The following SLC12A5 variants were observed in gnomAD, a reference collection of about 807,000 sequenced individuals.
SLC12A5 encodes the protein solute carrier family 12 member 5.
In SLC12A5, 18 loss-of-function variants were observed where a neutral mutation model predicts 124.0. The observed-to-expected ratio is 0.15, with a 90% CI of 0.10 to 0.22. The LOEUF is 0.22. Among genes scored for constraint, SLC12A5 ranks in the 10% least tolerant of loss-of-function variants. The pLI, the probability that SLC12A5 is intolerant of heterozygous loss-of-function variation, is 1.00. For synonymous variants in SLC12A5, 589 were observed against 568.0 expected, an observed-to-expected ratio of 1.04 and a Z score of -0.53; for missense variants, 867 against 1,478.7, an observed-to-expected ratio of 0.59 and a Z score of 6.78.
chr20:46,052,943 T>C lies in SLC12A5; in HGVS notation c.2378-14T>C, dbSNP rs373346348. ...ACTGTTTCCCCCTCTGGCCCTCTCC[T>C]TGGCCTCCCTCAGAGCTGGTCCGGG... On this transcript the variant is annotated splice_polypyrimidine_tract_variant and intron_variant, in intron 18 of 25. Transcript: ENST00000243964. The C allele has an allele frequency of 6.2e-5, 99 of 1,599,926 alleles. No individual in the cohort carries two copies. Among genetic ancestry groups the C allele is most frequent in the Non-Finnish European group, 7.9e-5 (92 of 1,169,218 alleles).
At position 46,045,898 on chromosome 20, in the gene SLC12A5, C is replaced by T. The variant is rs2084590822; in HGVS notation, c.1590C>T (p.Ala530=). The T allele has an allele frequency of 6.2e-7, 1 of 1,614,034 alleles. No homozygotes were observed. Among genetic ancestry groups the T allele is most frequent in the African/African-American group, 1.3e-5 (1 of 74,898 alleles). Residue 530 remains alanine (A), a synonymous_variant, in exon 13 of 26, where the codon GCC becomes GCT. Coordinates refer to ENST00000243964, the MANE Select transcript of SLC12A5 (RefSeq NM_020708.5). The surrounding 1 kb of genome is among the most constrained non-coding windows in gnomAD (Gnocchi z 4.9). ...PFLQVFGHGK[A]NGEPTWALLL... ...CCCAGGTCTTTGGCCATGGCAAGGC[C>T]AATGGAGAGCCGACCTGGGCCCTGC... is the stretch of plus-strand genomic sequence containing the variant.
rs2084735560 is a variant in SLC12A5, at chr20:46,059,668, C to T, written c.*2063C>T. On this transcript the variant is annotated 3_prime_UTR_variant, in exon 26 of 26. Coordinates refer to ENST00000243964, the MANE Select transcript of SLC12A5 (RefSeq NM_020708.5). Reference sequence around the variant, plus strand: ...ATCCCACAACAAAAACCCAAGTTTTCTGTGCTACATGTGCAATATTTGTTA... The same window carrying T: ...ATCCCACAACAAAAACCCAAGTTTTTTGTGCTACATGTGCAATATTTGTTA... The T allele has an allele frequency of 2.5e-6, 1 of 398,992 alleles. No homozygotes were observed. The highest frequency in any genetic ancestry group is 4.4e-6 in the Non-Finnish European group (1 of 226,086). 24.7% of individuals were successfully genotyped at this position (398,992 alleles called of 1,614,324 possible). A position where few individuals can be genotyped will look rare whatever the true frequency, so the allele number is the denominator to read the frequency against.
At chr20:46,052,443 T>A (rs936839682) in intron 18 of SLC12A5, among the ~76,000 whole-genome samples, 1 of 152,224 alleles carries the variant, frequency 6.6e-6, no homozygotes, top group Non-Finnish European at 1.5e-5. Flanking sequence ...CTCACGCCTG[T>A]AATCCCAGCA....
intron 1 of SLC12A5, among the ~76,000 whole-genome samples, chr20:46,022,286 C>A (rs1441790958): frequency 2.0e-5 from 3 of 150,496 alleles, no homozygotes; most frequent in Non-Finnish European, 4.4e-5. Context: ...AAAAAGGGGG[C>A]TGTGTGTTGA....
intron 1 of SLC12A5, among the ~76,000 whole-genome samples, chr20:46,031,665 C>T (rs2084450596): frequency 6.6e-6 from 1 of 152,220 alleles, no homozygotes; most frequent in Non-Finnish European, 1.5e-5. Flanking sequence ...GGGATTCCCC[C>T]AGGCCCAGCC....
At chr20:46,021,742 G>C, upstream of SLC12A5, 1 of 1,533,526 alleles carries the variant, frequency 6.5e-7, no homozygotes, top group Admixed American at 2.0e-5. Context: ...ACCTTGCCGC[G>C]GCCGCCTGGC....
rs764281927 is a variant in SLC12A5 at position 46,043,743 on chromosome 20, AGCTGT to A, written c.1336+17_1336+21del. The A allele has an allele frequency of 6.2e-7, 1 of 1,614,142 alleles. No homozygotes were observed. The highest frequency in any genetic ancestry group is 1.7e-5 in the Admixed American group (1 of 60,026). On this transcript the variant is annotated intron_variant, in intron 10 of 25. Coordinates refer to ENST00000243964, the MANE Select transcript of SLC12A5 (RefSeq NM_020708.5). ...CACCTCTGCTGTCTGTATCCTGCACAGCTGTGCTGGGACCACCCTCGGGGGAGGGC... is the reference window on the plus strand; with the variant it reads ...CACCTCTGCTGTCTGTATCCTGCACAGCTGGGACCACCCTCGGGGGAGGGC...
At chr20:46,043,528 G>A (rs184815357) in intron 9 of SLC12A5, 105 bp from the exon 10 acceptor site, 1 of 1,282,456 alleles carries the variant, frequency 7.8e-7, no homozygotes, top group Admixed American at 1.8e-5. Context: ...AGTATGTTAG[G>A]ACTAGATCCC....
Position 46,045,454 on chromosome 20 carries a change from T to C in SLC12A5, c.1569+314T>C, listed in dbSNP as rs996814664. Reference sequence around the variant, plus strand: ...CATCCCTTGGAGCACTGTCTGCTCTTGGGGAAAAAATAAATGGCCCTGTTT... The same window carrying C: ...CATCCCTTGGAGCACTGTCTGCTCTCGGGGAAAAAATAAATGGCCCTGTTT... On this transcript the variant is annotated intron_variant, in intron 12 of 25. Coordinates refer to ENST00000243964, the MANE Select transcript of SLC12A5 (RefSeq NM_020708.5). This position sits in a 1 kb window ranked among gnomAD's most constrained non-coding sequence, Gnocchi z 4.9. Among the ~76,000 whole-genome samples, 8 of 152,068 alleles carry C rather than the reference T, an allele frequency of 5.3e-5. No individual in the cohort carries two copies. Among genetic ancestry groups the C allele is most frequent in the African/African-American group, 1.9e-4 (8 of 41,412 alleles).
rs755241638 is a variant in SLC12A5 at position 46,029,403 on chromosome 20, T to G, written c.52+7T>G. The G allele has an allele frequency of 1.3e-6, 2 of 1,528,572 alleles. No homozygotes were observed. The highest frequency in any genetic ancestry group is 2.0e-5 in the Admixed American group (1 of 49,536). 94.7% of individuals were successfully genotyped at this position (1,528,572 alleles called of 1,614,324 possible). ...GATGGGGGAGCCAACCCGGGTAAGC[T>G]GTGGTCCGGGGGCGGCGGGGGAGGG... On this transcript the variant is annotated splice_region_variant and intron_variant, in intron 1 of 25. Transcript: ENST00000243964.
At chr20:46,051,508 T>C (rs1019053663) in intron 17 of SLC12A5, among the ~76,000 whole-genome samples, 167 bp from the exon 18 acceptor site, 6 of 152,032 alleles carry the variant, frequency 3.9e-5, no homozygotes, top group African/African-American at 1.2e-4. Flanking sequence ...ACAGAGATGA[T>C]GGGGAGCCAT....
rs1377420503 is a variant in SLC12A5 at position 46,034,803 on chromosome 20, A to C, written c.53-145A>C. The C allele has an allele frequency of 6.9e-6, 5 of 722,648 alleles. No homozygotes were observed. The Admixed American group carries it at 8.0e-5, about 12-fold the overall frequency. The allele number at this position is 722,648 out of a possible 1,614,324, so 44.8% of individuals were successfully genotyped here. A position where few individuals can be genotyped will look rare whatever the true frequency, so the allele number is the denominator to read the frequency against. ...GCTCTGTATACATGCTGTCAACTGCAACCCTGCAAGGAAGGTGGTATTAGC... is the reference window on the plus strand; with the variant it reads ...GCTCTGTATACATGCTGTCAACTGCCACCCTGCAAGGAAGGTGGTATTAGC... On this transcript the variant is annotated intron_variant, in intron 1 of 25. Coordinates refer to ENST00000243964, the MANE Select transcript of SLC12A5 (RefSeq NM_020708.5).
chr20:46,021,897 C>T lies in SLC12A5; in HGVS notation c.48+11C>T, dbSNP rs764312398. 2.0e-6 allele frequency: 3 copies of T among 1,519,340 alleles called. No individual in the cohort carries two copies. In the South Asian group the frequency reaches 3.6e-5, roughly 18 times the overall value. The allele number at this position is 1,519,340 out of a possible 1,614,324, so 94.1% of individuals were successfully genotyped here. ...GGGAAGACGTCAAAGGTAGAGGCCGCAGGGGGCGGGGCCTGCCAGGGCCGG... is the reference window on the plus strand; with the variant it reads ...GGGAAGACGTCAAAGGTAGAGGCCGTAGGGGGCGGGGCCTGCCAGGGCCGG... On this transcript the variant is annotated intron_variant, in intron 1 of 2. Transcript: ENST00000413737.
chr20:46,040,659 C>T (rs753663727), intron 7 of SLC12A5, 45 bp downstream of exon 7: 9 of 1,601,154 alleles, frequency 5.6e-6, no homozygotes, highest in Non-Finnish European at 7.7e-6. Context: ...CTCCTACCTC[C>T]CTGGCCCTGT....
rs2084731382 is a variant in SLC12A5, at chr20:46,059,465, A to C, written c.*1860A>C. On this transcript the variant is annotated 3_prime_UTR_variant, in exon 26 of 26. Transcript: ENST00000243964. ...ACCAGCCCCCTGCATCCTTCAGTAG[A>C]CCTCCCTCTGAACACCACAGCCAGG... 1 of 398,154 alleles carries C rather than the reference A, an allele frequency of 2.5e-6. No homozygotes were observed. The highest frequency in any genetic ancestry group is 1.3e-4 in the South Asian group (1 of 7,630). 24.7% of individuals were successfully genotyped at this position (398,154 alleles called of 1,614,324 possible).
rs34058554 is a variant in SLC12A5, at chr20:46,043,275, A to T, written c.1189A>T (p.Thr397Ser). The change falls in exon 9 of 26, where the codon ACC becomes TCC. Residue 397 changes from threonine (T) to serine (S), a missense_variant. Thr to Ser is a moderately conservative substitution (Grantham distance 58). This residue lies in a region of SLC12A5 where 152 missense variants were observed against 358.7 expected (regional missense o/e 0.42). Coordinates refer to ENST00000243964, the MANE Select transcript of SLC12A5 (RefSeq NM_020708.5). The stretch of plus-strand genomic sequence containing the variant: ...CCACCCTTATGTCTTCAGTGATATG[A>T]CCTCCTACTTCACCCTGCTGGTTGG... Reference protein sequence around the residue: ...MDHPYVFSDMTSYFTLLVGIY... With the variant: ...MDHPYVFSDMSSYFTLLVGIY... 9.0e-4 allele frequency: 1,453 copies of T among 1,613,640 alleles called. 16 individuals are homozygous for T. The African/African-American group carries it at 0.018, about 20-fold the overall frequency.
chr20:46,040,252 T>C, intron 6 of SLC12A5, 121 bp from the exon 7 acceptor site: 1 of 1,396,774 alleles, frequency 7.2e-7, no homozygotes, highest in South Asian at 1.3e-5. Flanking sequence ...TTACTGGATG[T>C]CTTTTCCAGT....
chr20:46,051,734 C>T lies in SLC12A5; in HGVS notation c.2241C>T (p.Ser747=). The part of the protein sequence containing the change: ...KVKGFCQVVI[S]SNLRDGVSHL... ...AGGGCTTCTGCCAGGTGGTGATCTC[C>T]TCCAACTTGCGTGATGGCGTGTCCC... Residue 747 remains serine (S), a synonymous_variant, in exon 18 of 26, where the codon TCC becomes TCT. Transcript: ENST00000243964. 6.2e-7 allele frequency: 1 copy of T among 1,611,186 alleles called. No homozygotes were observed. Among genetic ancestry groups the T allele is most frequent in the Non-Finnish European group, 8.5e-7 (1 of 1,178,580 alleles).
rs1277996672 is a variant in SLC12A5 at position 46,040,366 on chromosome 20, C to T, written c.613-7C>T. 1 of 1,613,610 alleles carries T rather than the reference C, an allele frequency of 6.2e-7. No homozygotes were observed. ...AGGTATCTGTTCTTCCTGCCCCTTT[C>T]CCACAGGCTTACCTCTTCCCAGCCA... On this transcript the variant is annotated splice_polypyrimidine_tract_variant and splice_region_variant and intron_variant, in intron 6 of 25. Coordinates refer to ENST00000243964, the MANE Select transcript of SLC12A5 (RefSeq NM_020708.5).
Sources: gnomAD v4.1 joint callset for allele counts (sites outside exome capture counted in the v4.1 genomes callset) on GRCh38, gnomAD v4.1.1 for gene constraint, gnomAD v4.1.1 regional missense constraint, Gnocchi (gnomAD v3.1) non-coding constraint, MANE v1.5 for transcripts, NCBI Gene and HGNC (gene_info 2026-07-23, HGNC 2026-07-21) for gene names.